Variants in PHF3 observed in about 807,000 individuals in gnomAD.
PHF3 encodes PHD finger protein 3.
In PHF3, 41 loss-of-function variants were observed where a neutral mutation model predicts 178.4. That is an observed-to-expected ratio of 0.23 (90% CI 0.18 to 0.30). The LOEUF (loss-of-function observed/expected upper bound fraction) is 0.30. Among genes scored for constraint, PHF3 ranks in the 10% least tolerant of loss-of-function variants. PHF3 has a pLI of 1.00. For missense variants in PHF3, 2,346 were observed against 2,398.1 expected, an observed-to-expected ratio of 0.98 and a Z score of 0.45; for synonymous variants, 842 against 800.5, an observed-to-expected ratio of 1.05 and a Z score of -0.88.
intron 2 of PHF3, among the ~76,000 whole-genome samples, chr6:63,648,578 TTAA>T (rs1304020860): frequency 2.0e-5 from 3 of 152,192 alleles, no homozygotes; most frequent in East Asian, 1.9e-4. Flanking sequence ...AAAGTTTTTA[TTAA>T]TGTGAAAAAT....
intron 4 of PHF3, among the ~76,000 whole-genome samples, chr6:63,687,650 G>A (rs1561967488): frequency 6.6e-6 from 1 of 152,206 alleles, no homozygotes; most frequent in Non-Finnish European, 1.5e-5. Context: ...ATGTTAGTAA[G>A]TTATAATGTA....
At chr6:63,694,791 A>T (rs1257105687) in intron 6 of PHF3, 27 bp downstream of exon 6, 5 of 1,239,406 alleles carry the variant, frequency 4.0e-6, no homozygotes, top group South Asian at 2.3e-5. Context: ...AAAAAATTAT[A>T]TACTAATATA....
intron 4 of PHF3, chr6:63,686,343 GTTT>G (rs533212365): frequency 6.7e-6 from 1 of 149,216 alleles, no homozygotes; most frequent in Non-Finnish European, 1.5e-5. Flanking sequence ...TTCTTTTGAA[GTTT>G]TTTTTTTTCT....
intron 3 of PHF3, 109 bp downstream of exon 3, chr6:63,680,270 C>T (rs1186955928): frequency 3.0e-6 from 3 of 1,009,218 alleles, no homozygotes; most frequent in Non-Finnish European, 4.3e-6. Flanking sequence ...TTTGCTAATC[C>T]ATTCGTTTTG....
rs1768190518 is a variant in PHF3 at position 63,716,362 on chromosome 6, T to A, written c.*2654T>A. ...CATATATACCTTTCATAGCCCTCTTTCTTTGCGTTCCACTGAACTGTCTGA... is the reference window on the plus strand; with the variant it reads ...CATATATACCTTTCATAGCCCTCTTACTTTGCGTTCCACTGAACTGTCTGA... On this transcript the variant is annotated 3_prime_UTR_variant, in exon 16 of 16. Transcript: ENST00000262043. Among the ~76,000 whole-genome samples, 1 of 152,148 alleles carries A rather than the reference T, an allele frequency of 6.6e-6. No individual in the cohort carries two copies.
Position 63,721,826 on chromosome 6 carries a change from T to A in PHF3, c.*8118T>A. ...CAAGAAAGCAAACAGTAAGTTTGAT[T>A]AGCAACAGTAAAAGTTTCCATTGAA... On this transcript the variant is annotated 3_prime_UTR_variant, in exon 16 of 16. Transcript: ENST00000262043. 1 of 1,517,900 alleles carries A rather than the reference T, an allele frequency of 6.6e-7. No individual in the cohort carries two copies. Among genetic ancestry groups the A allele is most frequent in the East Asian group, 2.5e-5 (1 of 40,628 alleles). The allele number at this position is 1,517,900 out of a possible 1,614,324, so 94.0% of individuals were successfully genotyped here.
At chr6:63,650,269 C>G (rs984492089) in intron 2 of PHF3, among the ~76,000 whole-genome samples, 2 of 152,128 alleles carry the variant, frequency 1.3e-5, no homozygotes, top group South Asian at 4.1e-4. Context: ...GATGTCCTTT[C>G]AAGGCTGCAT....
chr6:63,677,917 A>G (rs1766242631), intron 2 of PHF3, among the ~76,000 whole-genome samples: 1 of 152,154 alleles, frequency 6.6e-6, no homozygotes, highest in Non-Finnish European at 1.5e-5. Flanking sequence ...GTAGACCTGT[A>G]ATCTAATGTC....
Position 63,720,573 on chromosome 6 carries a change from G to T in PHF3, c.*6865G>T. On this transcript the variant is annotated 3_prime_UTR_variant, in exon 16 of 16. Transcript: ENST00000262043. ...AAATAACTGCATTTATGTATAGTGTGTACTAAAATCTCTAGTGTTAACTTA... is the reference window on the plus strand; with the variant it reads ...AAATAACTGCATTTATGTATAGTGTTTACTAAAATCTCTAGTGTTAACTTA... 2.1e-6 allele frequency: 3 copies of T among 1,426,798 alleles called. No homozygotes were observed. Among genetic ancestry groups the T allele is most frequent in the Non-Finnish European group, 2.8e-6 (3 of 1,073,908 alleles). 88.4% of individuals were successfully genotyped at this position (1,426,798 alleles called of 1,614,324 possible).
intron 2 of PHF3, among the ~76,000 whole-genome samples, chr6:63,654,707 A>G (rs76882309): frequency 1.3e-5 from 2 of 152,122 alleles, no homozygotes; most frequent in African/African-American, 2.4e-5. Flanking sequence ...TAGGTCCCTT[A>G]GGCAGCAGTT....
chr6:63,720,750 C>T lies in PHF3; in HGVS notation c.*7042C>T, dbSNP rs556456611. The T allele has an allele frequency of 2.6e-6, 4 of 1,550,344 alleles. No homozygotes were observed. The African/African-American group carries it at 5.5e-5, about 21-fold the overall frequency. On this transcript the variant is annotated 3_prime_UTR_variant, in exon 16 of 16. Transcript: ENST00000262043. ...CTCTTGAGTAACGATATTTACCTTT[C>T]TACCATATTCAAAGCCCCCTAGATA... is the stretch of plus-strand genomic sequence containing the variant.
chr6:63,681,091 A>C (rs1230200394), intron 3 of PHF3, among the ~76,000 whole-genome samples: 1 of 152,092 alleles, frequency 6.6e-6, no homozygotes, highest in Non-Finnish European at 1.5e-5. Flanking sequence ...GGTTGGATGT[A>C]AAATTCAAGG....
intron 11 of PHF3, among the ~76,000 whole-genome samples, chr6:63,704,980 A>G (rs1369976102): frequency 6.6e-6 from 1 of 152,154 alleles, no homozygotes; most frequent in Non-Finnish European, 1.5e-5. Context: ...TAATAGGTGT[A>G]TAGTGGTATC....
chr6:63,651,722 C>A (rs1388734895), intron 2 of PHF3, among the ~76,000 whole-genome samples: 1 of 152,106 alleles, frequency 6.6e-6, no homozygotes, highest in Non-Finnish European at 1.5e-5. Context: ...CTTCCCCTTC[C>A]CCAACTCTGG....
At chr6:63,694,801 A>G (rs752968202) in intron 6 of PHF3, 37 bp downstream of exon 6, 9 of 1,120,310 alleles carry the variant, frequency 8.0e-6, no homozygotes, top group Non-Finnish European at 9.3e-6. Context: ...ATACTAATAT[A>G]TTTATATCTT....
Position 63,711,904 on chromosome 6 carries a change from C to G in PHF3, c.4316C>G (p.Pro1439Arg). Residue 1439 changes from proline (P) to arginine (R), a missense_variant, in exon 16 of 16, where the codon CCT becomes CGT. This residue lies in a region of PHF3 where 839 missense variants were observed against 806.9 expected (regional missense o/e 1.04). Coordinates refer to ENST00000262043, the MANE Select transcript of PHF3 (RefSeq NM_001370348.2). ...MEVTKQEPPK[P>R]LRFLPGVLIG... Reference sequence around the variant, plus strand: ...GTCACCAAACAGGAGCCACCAAAACCTTTAAGATTTCTTCCTGGCGTGTTG... The same window carrying G: ...GTCACCAAACAGGAGCCACCAAAACGTTTAAGATTTCTTCCTGGCGTGTTG... The G allele has an allele frequency of 6.2e-7, 1 of 1,614,022 alleles. No individual in the cohort carries two copies. Among genetic ancestry groups the G allele is most frequent in the Non-Finnish European group, 8.5e-7 (1 of 1,179,952 alleles).
At position 63,715,663 on chromosome 6, in the gene PHF3, A is replaced by C. The variant is rs542135537; in HGVS notation, c.*1955A>C. Among the ~76,000 whole-genome samples, 1 of 152,272 alleles carries C rather than the reference A, an allele frequency of 6.6e-6. No homozygotes were observed. The highest frequency in any genetic ancestry group is 1.9e-4 in the East Asian group (1 of 5,190). On this transcript the variant is annotated 3_prime_UTR_variant, in exon 16 of 16. Transcript: ENST00000262043. ...ATCGAATCTTGATACATGTTTTTAA[A>C]ATAGGCAAGGCCCATATAGCTTTCT...
chr6:63,663,756 G>A (rs1765565394), intron 2 of PHF3, among the ~76,000 whole-genome samples: 1 of 152,138 alleles, frequency 6.6e-6, no homozygotes, highest in South Asian at 2.1e-4. Context: ...CTGAGAGCTA[G>A]TATGGAGTCG....
chr6:63,720,886 C>G lies in PHF3; in HGVS notation c.*7178C>G. 1 of 1,550,980 alleles carries G rather than the reference C, an allele frequency of 6.4e-7. No individual in the cohort carries two copies. The highest frequency in any genetic ancestry group is 8.7e-7 in the Non-Finnish European group (1 of 1,146,476). ...TTGATAAGAGTCTGATTTTGAATTA[C>G]AACTACATGGTGCCATTTATTACAA... On this transcript the variant is annotated 3_prime_UTR_variant, in exon 16 of 16. Coordinates refer to ENST00000262043, the MANE Select transcript of PHF3 (RefSeq NM_001370348.2).
Sources: allele counts gnomAD v4.1 joint callset (sites outside exome capture counted in the v4.1 genomes callset), GRCh38; gene constraint gnomAD v4.1.1; regional missense constraint gnomAD v4.1.1; transcripts MANE v1.5; gene names NCBI Gene and HGNC (gene_info 2026-07-23, HGNC 2026-07-21).